LHPP: variants seen among roughly 807,000 people sequenced by gnomAD.
LHPP encodes hLHPP.
In LHPP, 24 loss-of-function variants were observed where a neutral mutation model predicts 30.3. The observed-to-expected ratio is 0.79, with a 90% confidence interval of 0.57 to 1.11. LHPP has a LOEUF of 1.11. Among genes scored for constraint, LHPP ranks in the 50% most tolerant of loss-of-function variants. LHPP has a pLI of 0.00. For missense variants in LHPP, 356 were observed against 367.2 expected (o/e 0.97, Z 0.25); for synonymous variants, 150 against 157.1 (o/e 0.95, Z 0.34).
intron 6 of LHPP, among the ~76,000 whole-genome samples, chr10:124,587,622 C>A (rs1434230857): frequency 1.3e-5 from 2 of 151,494 alleles, no homozygotes; most frequent in South Asian, 2.1e-4. Flanking sequence ...CTCCTGTAAT[C>A]CCAGCCACTC....
At chr10:124,597,563 G>A (rs1296466691) in intron 6 of LHPP, among the ~76,000 whole-genome samples, 5 of 152,238 alleles carry the variant, frequency 3.3e-5, no homozygotes, top group Non-Finnish European at 1.5e-5. Context: ...GACCAGCAAG[G>A]GCACCCAGAG....
chr10:124,529,958 G>A (rs543058652), intron 6 of LHPP, among the ~76,000 whole-genome samples: 1 of 152,360 alleles, frequency 6.6e-6, no homozygotes, highest in South Asian at 2.1e-4. Context: ...TGGCATGCTG[G>A]TCTTTGGCAG....
chr10:124,600,314 C>T (rs1949004833), intron 6 of LHPP, among the ~76,000 whole-genome samples: 1 of 152,252 alleles, frequency 6.6e-6, no homozygotes, highest in Middle Eastern at 3.2e-3. Flanking sequence ...TCCTAGGCCC[C>T]TGCCCTGGGG....
intron 2 of LHPP, among the ~76,000 whole-genome samples, chr10:124,487,974 A>G (rs909576325): frequency 2.0e-5 from 3 of 152,096 alleles, no homozygotes; most frequent in Non-Finnish European, 2.9e-5. Flanking sequence ...TTCAGGACAT[A>G]TGTGTGGGGT....
At chr10:124,507,998 T>C (rs1286988644) in intron 5 of LHPP, among the ~76,000 whole-genome samples, 1 of 151,524 alleles carries the variant, frequency 6.6e-6, no homozygotes, top group African/African-American at 2.4e-5. Flanking sequence ...GGGGTGAGGT[T>C]TGCAGGCTTA....
At chr10:124,501,297 A>G (rs7904991) in intron 5 of LHPP, among the ~76,000 whole-genome samples, 39,069 of 151,540 alleles carry the variant, frequency 0.26, 7,236 homozygotes, top group African/African-American at 0.5. Context: ...TCCTTTTGGG[A>G]TGATACAAAT....
chr10:124,466,230 G>A (rs1254947), intron 1 of LHPP, among the ~76,000 whole-genome samples: 39,661 of 152,104 alleles, frequency 0.26, 6,226 homozygotes, highest in East Asian at 0.45. Flanking sequence ...CATATTACTA[G>A]TGGAGACAGC....
chr10:124,579,509 A>G (rs1391273822), intron 6 of LHPP, among the ~76,000 whole-genome samples: 1 of 152,232 alleles, frequency 6.6e-6, no homozygotes, highest in Non-Finnish European at 1.5e-5. Flanking sequence ...TCCCCTGATG[A>G]TGGACATGTA....
chr10:124,563,912 T>TG (rs1948443919), intron 6 of LHPP, among the ~76,000 whole-genome samples: 1 of 151,852 alleles, frequency 6.6e-6, no homozygotes, highest in Non-Finnish European at 1.5e-5. Context: ...GGGATGGCAG[T>TG]GGGGAGTTGG....
At chr10:124,469,912 T>C (rs1270808491) in intron 1 of LHPP, among the ~76,000 whole-genome samples, 1 of 152,112 alleles carries the variant, frequency 6.6e-6, no homozygotes, top group African/African-American at 2.4e-5. Context: ...TGGAGGATGC[T>C]GAGCGAGCCA....
intron 6 of LHPP, among the ~76,000 whole-genome samples, chr10:124,595,886 T>G (rs948566491): frequency 6.6e-6 from 1 of 152,220 alleles, no homozygotes; most frequent in African/African-American, 2.4e-5. Context: ...CACACCGCTC[T>G]CCCTGCACAG....
chr10:124,472,095 T>C (rs1156402276), intron 1 of LHPP, among the ~76,000 whole-genome samples: 1 of 151,776 alleles, frequency 6.6e-6, no homozygotes, highest in Non-Finnish European at 1.5e-5. Context: ...GCAGATCACA[T>C]AAGGTCAGGA....
intron 1 of LHPP, among the ~76,000 whole-genome samples, chr10:124,467,939 A>G (rs998854782): frequency 6.6e-6 from 1 of 152,052 alleles, no homozygotes; most frequent in Non-Finnish European, 1.5e-5. Flanking sequence ...CAAACTCCTG[A>G]CCTCAAGTGA....
At chr10:124,556,891 T>A (rs917772313) in intron 6 of LHPP, among the ~76,000 whole-genome samples, 1 of 152,244 alleles carries the variant, frequency 6.6e-6, no homozygotes, top group African/African-American at 2.4e-5. Context: ...ATGGGAAATC[T>A]GCATTTCATC....
intron 6 of LHPP, among the ~76,000 whole-genome samples, chr10:124,531,796 C>T (rs1954907537): frequency 6.6e-6 from 1 of 152,266 alleles, no homozygotes; most frequent in African/African-American, 2.4e-5. Flanking sequence ...GTGATTGATA[C>T]GTATTTGTGG....
chr10:124,560,553 T>G (rs1948379610), intron 6 of LHPP, among the ~76,000 whole-genome samples: 1 of 152,242 alleles, frequency 6.6e-6, no homozygotes, highest in South Asian at 2.1e-4. Flanking sequence ...TGGCCTCTTG[T>G]TCTCCTCCCT....
chr10:124,585,844 G>C (rs1417371463), intron 6 of LHPP, among the ~76,000 whole-genome samples: 8 of 151,928 alleles, frequency 5.3e-5, no homozygotes, highest in African/African-American at 7.2e-5. Context: ...GAGTGCAGTG[G>C]CACAATCTTG....
At chr10:124,604,131 G>A (rs1589713086) in intron 6 of LHPP, among the ~76,000 whole-genome samples, 3 of 152,346 alleles carry the variant, frequency 2.0e-5, no homozygotes, top group African/African-American at 7.2e-5. Flanking sequence ...AGCACGACAT[G>A]GCACCTTCCC....
intron 2 of LHPP, among the ~76,000 whole-genome samples, chr10:124,484,670 CAGAGAGAGAG>C (rs5788664): frequency 1.4e-5 from 2 of 144,166 alleles, no homozygotes; most frequent in South Asian, 2.2e-4. Flanking sequence ...GAGAAAGAGA[CAGAGAGAGAG>C]AGAGAGAGAG....
Sources: allele counts gnomAD v4.1 joint callset (sites outside exome capture counted in the v4.1 genomes callset), GRCh38; gene constraint gnomAD v4.1.1; transcripts MANE v1.5; gene names NCBI Gene and HGNC (gene_info 2026-07-23, HGNC 2026-07-21).